The following PTPRT variants were observed in gnomAD, a reference collection of about 807,000 sequenced individuals.
The protein encoded by PTPRT is receptor-type tyrosine-protein phosphatase T.
A neutral mutation model predicts 176.8 loss-of-function variants in PTPRT; 56 were observed. The ratio of observed to expected loss-of-function variants is 0.32; its 90% CI spans 0.26 to 0.40. The LOEUF is 0.40. PTPRT is among the 10% of genes least tolerant of loss of function. The pLI is 1.00. For missense variants in PTPRT, 1,540 were observed against 1,908.2 expected (o/e 0.81, Z 3.60); for synonymous variants, 783 against 739.0 (o/e 1.06, Z -0.96).
rs146889478 is a variant in PTPRT at position 42,805,106 on chromosome 20, A to G, written c.215-13640T>C. On this transcript the variant is annotated intron_variant, in intron 2 of 30. Coordinates refer to ENST00000373187, the MANE Select transcript of PTPRT (RefSeq NM_007050.6). ...TTCTGTAGAGATGACGGAATATCAT[A>G]TTTAGAGGGAGCATGGGAAAATATT... 7.5e-3 allele frequency among the ~76,000 whole-genome samples: 1,140 copies of G among 152,336 alleles called. 6 individuals are homozygous for G. Among genetic ancestry groups the G allele is most frequent in the Non-Finnish European group, 0.012 (842 of 68,040 alleles).
At chr20:43,082,011 T>C (rs2011455384) in intron 1 of PTPRT, among the ~76,000 whole-genome samples, 1 of 152,198 alleles carries the variant, frequency 6.6e-6, no homozygotes, top group South Asian at 2.1e-4. Context: ...GAAAAAACCA[T>C]TTTTCATCTT....
At chr20:42,316,916 C>T (rs1416376887) in intron 11 of PTPRT, among the ~76,000 whole-genome samples, 2 of 152,184 alleles carry the variant, frequency 1.3e-5, no homozygotes, top group Non-Finnish European at 2.9e-5. Context: ...CATCTAATCT[C>T]CATCTGCTTT....
At chr20:42,614,724 G>C (rs2145835016) in intron 7 of PTPRT, among the ~76,000 whole-genome samples, 1 of 152,176 alleles carries the variant, frequency 6.6e-6, no homozygotes, top group Middle Eastern at 3.4e-3. Flanking sequence ...TCATTTTCAT[G>C]CTGCTGATAA....
intron 1 of PTPRT, among the ~76,000 whole-genome samples, chr20:43,131,082 C>A (rs1460095108): frequency 6.6e-6 from 1 of 152,248 alleles, no homozygotes; most frequent in Non-Finnish European, 1.5e-5. Flanking sequence ...TTCAATAACA[C>A]TGGCTTCTGT....
At chr20:42,766,966 C>T (rs1240236150) in intron 5 of PTPRT, among the ~76,000 whole-genome samples, 1 of 152,152 alleles carries the variant, frequency 6.6e-6, no homozygotes, top group Non-Finnish European at 1.5e-5. Flanking sequence ...AATTCTCAGG[C>T]TAAGTCACCC....
At position 42,553,088 on chromosome 20, in the gene PTPRT, T is replaced by C. The variant is rs2072797279; in HGVS notation, c.1154-80526A>G. On this transcript the variant is annotated intron_variant, in intron 7 of 30. Transcript: ENST00000373187. ...ACTTGGCAACTCTACTTCTAGGAAT[T>C]TACCTGAAAGAATCATGTGAACTTG... Among the ~76,000 whole-genome samples the C allele has an allele frequency of 2.0e-5, 3 of 152,058 alleles. No homozygotes were observed. In the South Asian group the frequency reaches 6.2e-4, roughly 32 times the overall value.
At chr20:42,994,158 C>A (rs753771865) in intron 1 of PTPRT, among the ~76,000 whole-genome samples, 8 of 152,144 alleles carry the variant, frequency 5.3e-5, no homozygotes, top group Admixed American at 6.5e-5. Context: ...CACATAAGAC[C>A]ACCTCATTTC....
intron 9 of PTPRT, among the ~76,000 whole-genome samples, chr20:42,418,549 T>A (rs529339698): frequency 6.6e-6 from 1 of 152,300 alleles, no homozygotes; most frequent in East Asian, 1.9e-4. Context: ...CAATAATCAT[T>A]AAATGTGTGG....
chr20:42,915,598 T>C (rs1214317717), intron 1 of PTPRT, among the ~76,000 whole-genome samples: 1 of 152,096 alleles, frequency 6.6e-6, no homozygotes, highest in Non-Finnish European at 1.5e-5. Flanking sequence ...AGTTGATTGG[T>C]TATCTATCTA....
chr20:43,083,138 C>A (rs934117783), intron 1 of PTPRT, among the ~76,000 whole-genome samples: 67 of 151,762 alleles, frequency 4.4e-4, no homozygotes, highest in East Asian at 1.6e-3. Flanking sequence ...GTCTGTGCAG[C>A]GAACAGCAGG....
intron 1 of PTPRT, among the ~76,000 whole-genome samples, chr20:42,917,716 G>A (rs1298439236): frequency 6.6e-6 from 1 of 152,102 alleles, no homozygotes; most frequent in Non-Finnish European, 1.5e-5. Context: ...TGAGAGATGA[G>A]ACAGCTACTA....
At chr20:42,787,129 G>A (rs2145526796) in intron 3 of PTPRT, among the ~76,000 whole-genome samples, 1 of 152,254 alleles carries the variant, frequency 6.6e-6, no homozygotes, top group Admixed American at 6.5e-5. Context: ...TTTTCTTTCT[G>A]CCCTTAACAG....
At chr20:43,066,087 T>C (rs1448964197) in intron 1 of PTPRT, among the ~76,000 whole-genome samples, 2 of 152,126 alleles carry the variant, frequency 1.3e-5, no homozygotes, top group Non-Finnish European at 2.9e-5. Flanking sequence ...CCAGAAACCA[T>C]GTCTTCCACC....
intron 1 of PTPRT, among the ~76,000 whole-genome samples, chr20:42,932,680 C>G (rs1212984640): frequency 6.6e-6 from 1 of 152,228 alleles, no homozygotes; most frequent in Non-Finnish European, 1.5e-5. Flanking sequence ...ACCACGACAG[C>G]TGGTCACCCC....
At chr20:42,647,379 A>C (rs921027490) in intron 7 of PTPRT, among the ~76,000 whole-genome samples, 1 of 152,050 alleles carries the variant, frequency 6.6e-6, no homozygotes, top group Admixed American at 6.5e-5. Context: ...TACATGAATA[A>C]ATAAAGTAAA....
chr20:42,156,990 A>T (rs1265298052), intron 17 of PTPRT, among the ~76,000 whole-genome samples: 1 of 152,212 alleles, frequency 6.6e-6, no homozygotes, highest in East Asian at 1.9e-4. Flanking sequence ...TAAAAGCCAA[A>T]GTCCTTATAA....
At chr20:43,185,448 T>C (rs940800305) in intron 1 of PTPRT, among the ~76,000 whole-genome samples, 3 of 152,204 alleles carry the variant, frequency 2.0e-5, no homozygotes, top group African/African-American at 7.2e-5. Flanking sequence ...AAATGTTGTG[T>C]CCTGACGCAA....
In PTPRT at chr20:42,193,501, A is replaced by G. The variant is rs1186304341; in HGVS notation, c.2491+5739T>C. ...AGAGGAGAAGGAACACTGATTTAGGAGTCAGAGAGCCTTATTTGCTTCTAA... is the reference window on the plus strand; with the variant it reads ...AGAGGAGAAGGAACACTGATTTAGGGGTCAGAGAGCCTTATTTGCTTCTAA... On this transcript the variant is annotated intron_variant, in intron 16 of 30. Coordinates refer to ENST00000373187, the MANE Select transcript of PTPRT (RefSeq NM_007050.6). 2.6e-5 allele frequency among the ~76,000 whole-genome samples: 4 copies of G among 152,216 alleles called. No homozygotes were observed. In the East Asian group the frequency reaches 7.7e-4, roughly 29 times the overall value.
chr20:43,070,105 T>A (rs893766976), intron 1 of PTPRT, among the ~76,000 whole-genome samples: 1 of 151,572 alleles, frequency 6.6e-6, no homozygotes, highest in East Asian at 1.9e-4. Context: ...TTGTGGGTTA[T>A]TTTTTTTTAA....
Sources: allele counts gnomAD v4.1 joint callset (sites outside exome capture counted in the v4.1 genomes callset), GRCh38; gene constraint gnomAD v4.1.1; transcripts MANE v1.5; gene names NCBI Gene and HGNC (gene_info 2026-07-23, HGNC 2026-07-21).